DPP6: variants seen among roughly 807,000 people sequenced by gnomAD.
The protein encoded by DPP6 is A-type potassium channel modulatory protein DPP6.
Under a neutral mutation model 122.6 loss-of-function variants are expected in DPP6, and 69 were observed. The ratio of observed to expected loss-of-function variants is 0.56; its 90% CI spans 0.46 to 0.69. The LOEUF (loss-of-function observed/expected upper bound fraction) is 0.69. DPP6 is among the 30% of genes least tolerant of loss of function. DPP6 has a pLI of 0.00. For synonymous variants in DPP6, 418 were observed against 433.1 expected (o/e 0.97, Z 0.43); for missense variants, 928 against 1,116.9 (o/e 0.83, Z 2.41).
chr7:154,052,883 C>G lies in DPP6; in HGVS notation c.63C>G (p.Pro21=). The G allele has an allele frequency of 6.5e-7, 1 of 1,533,134 alleles. No homozygotes were observed. Among genetic ancestry groups the G allele is most frequent in the South Asian group, 1.2e-5 (1 of 83,862 alleles). 95.0% of individuals were successfully genotyped at this position (1,533,134 alleles called of 1,614,324 possible). The change falls in exon 1 of 26, where the codon CCC becomes CCG. Residue 21 remains proline, a synonymous_variant. Coordinates refer to ENST00000377770, the MANE Select transcript of DPP6 (RefSeq NM_130797.4). This position sits in a 1 kb window ranked among gnomAD's most constrained non-coding sequence, Gnocchi z 4.8. ...KINTSRSFPA[P]PEASHLLGGQ... The stretch of plus-strand genomic sequence containing the variant: ...ACACCTCGAGGTCCTTCCCCGCGCC[C>G]CCGGAGGCGAGTCACCTCCTGGGCG...
At chr7:153,865,809 C>G in the DPP6 span, among the ~76,000 whole-genome samples, 4 of 124,042 alleles carry the variant, frequency 3.2e-5, no homozygotes, top group East Asian at 8.8e-4. Context: ...CCCCTCCCCC[C>G]ACCCCACAAC....
chr7:154,162,198 C>T (rs1797017297), intron 1 of DPP6, among the ~76,000 whole-genome samples: 1 of 150,960 alleles, frequency 6.6e-6, no homozygotes, highest in African/African-American at 2.4e-5. Context: ...GCCCGGGAAC[C>T]CGCACTGACC....
intron 1 of DPP6, among the ~76,000 whole-genome samples, chr7:154,304,681 A>C (rs1220498781): frequency 6.6e-6 from 1 of 150,978 alleles, no homozygotes; most frequent in African/African-American, 2.4e-5. Context: ...ATGGAACATA[A>C]GTTTTCTGAA....
intron 5 of DPP6, among the ~76,000 whole-genome samples, chr7:154,575,316 GTGTGTGTA>G (rs1831511130): frequency 2.6e-5 from 3 of 115,642 alleles, no homozygotes; most frequent in African/African-American, 6.6e-5. Context: ...TATGTGTGTG[GTGTGTGTA>G]TGTGTGTGTG....
At chr7:154,119,421 T>G (rs1028936576) in intron 1 of DPP6, among the ~76,000 whole-genome samples, 11 of 151,820 alleles carry the variant, frequency 7.2e-5, no homozygotes, top group Non-Finnish European at 1.5e-4. Flanking sequence ...AAGACAGGGG[T>G]TTAAAAAAGG....
At chr7:154,116,625 C>T (rs1300201916) in intron 1 of DPP6, among the ~76,000 whole-genome samples, 8 of 152,178 alleles carry the variant, frequency 5.3e-5, no homozygotes, top group Admixed American at 5.2e-4. Context: ...TTCATCTCAA[C>T]CGTCTTTTAA....
chr7:154,670,020 C>T (rs1347575831), intron 7 of DPP6, among the ~76,000 whole-genome samples: 15 of 152,088 alleles, frequency 9.9e-5, no homozygotes, highest in East Asian at 3.9e-4. Context: ...CCACCACACC[C>T]GACTAATTTT....
At chr7:154,581,032 G>GT (rs1832031548) in intron 5 of DPP6, among the ~76,000 whole-genome samples, 5 of 151,968 alleles carry the variant, frequency 3.3e-5, no homozygotes, top group Admixed American at 3.3e-4. Context: ...CTCCCAGACT[G>GT]TTTTTTCTGC....
At chr7:154,041,405 G>T (rs1799757964) in intron 1 of DPP6, among the ~76,000 whole-genome samples, 1 of 152,216 alleles carries the variant, frequency 6.6e-6, no homozygotes, top group Non-Finnish European at 1.5e-5. Flanking sequence ...GTACATAAAA[G>T]AAGTTTTGAG....
chr7:154,377,203 G>C (rs1034350162), intron 1 of DPP6, among the ~76,000 whole-genome samples: 1 of 152,112 alleles, frequency 6.6e-6, no homozygotes, highest in Admixed American at 6.6e-5. Flanking sequence ...TTTAAAAAGC[G>C]TGAAATGGGG....
At chr7:154,508,214 C>G (rs930385063) in intron 3 of DPP6, among the ~76,000 whole-genome samples, 1 of 152,132 alleles carries the variant, frequency 6.6e-6, no homozygotes, top group Non-Finnish European at 1.5e-5. Flanking sequence ...ACTCCTGTCT[C>G]CTATGCAGTT....
chr7:154,615,407 A>G (rs892343226), intron 5 of DPP6, among the ~76,000 whole-genome samples: 4 of 152,208 alleles, frequency 2.6e-5, no homozygotes. Context: ...TCACCGTACA[A>G]TACTTTCACA....
chr7:154,347,864 G>C (rs1249939377), intron 1 of DPP6, among the ~76,000 whole-genome samples: 3 of 152,176 alleles, frequency 2.0e-5, no homozygotes, highest in Non-Finnish European at 4.4e-5. Context: ...CTTGTGGAGT[G>C]AACCAGCCCT....
chr7:154,816,094 C>T (rs963719008), intron 16 of DPP6, among the ~76,000 whole-genome samples: 4 of 152,102 alleles, frequency 2.6e-5, no homozygotes, highest in Non-Finnish European at 4.4e-5. Flanking sequence ...CTGGACTCTG[C>T]CACCTACAGC....
chr7:154,678,599 G>C (rs988680217), intron 7 of DPP6, among the ~76,000 whole-genome samples: 1 of 151,892 alleles, frequency 6.6e-6, no homozygotes, highest in Non-Finnish European at 1.5e-5. Context: ...CACTCACCGC[G>C]AGGGTCTGCG....
chr7:154,234,189 A>T (rs1477836945), intron 1 of DPP6, among the ~76,000 whole-genome samples: 3 of 152,188 alleles, frequency 2.0e-5, no homozygotes, highest in Admixed American at 1.3e-4. Context: ...AAACAGCAGG[A>T]AAAAGGTGAC....
At chr7:154,650,336 G>A (rs1836793564) in intron 6 of DPP6, among the ~76,000 whole-genome samples, 1 of 151,810 alleles carries the variant, frequency 6.6e-6, no homozygotes, top group South Asian at 2.1e-4. Flanking sequence ...GAGAGGAGAG[G>A]AAAGGAGTGG....
chr7:154,170,987 G>A (rs1339356881), intron 1 of DPP6, among the ~76,000 whole-genome samples: 5 of 152,180 alleles, frequency 3.3e-5, no homozygotes, highest in African/African-American at 9.7e-5. Flanking sequence ...GCTGCCCTGG[G>A]CACCTCACAC....
At chr7:153,760,698 G>C in the DPP6 span, among the ~76,000 whole-genome samples, 66 of 152,100 alleles carry the variant, frequency 4.3e-4, no homozygotes, top group African/African-American at 1.6e-3. Flanking sequence ...GCCCTTTTGC[G>C]TATTCTATGA....
Sources: allele counts gnomAD v4.1 joint callset (sites outside exome capture counted in the v4.1 genomes callset), GRCh38; gene constraint gnomAD v4.1.1; non-coding constraint Gnocchi (gnomAD v3.1); transcripts MANE v1.5; gene names NCBI Gene and HGNC (gene_info 2026-07-23, HGNC 2026-07-21).